TYW1: variants seen among roughly 807,000 people sequenced by gnomAD.
The protein encoded by TYW1 is S-adenosyl-L-methionine-dependent tRNA 4-demethylwyosine synthase TYW1.
Under a neutral mutation model 96.2 loss-of-function variants are expected in TYW1, and 46 were observed. The ratio of observed to expected loss-of-function variants is 0.48; its 90% CI spans 0.38 to 0.61. The LOEUF is 0.61. Ranked by LOEUF, TYW1 falls within the 20% of genes least tolerant of loss-of-function variation. TYW1 has a pLI of 0.00. For synonymous variants in TYW1, 274 were observed against 323.0 expected (o/e 0.85, Z 1.63); for missense variants, 684 against 909.6 (o/e 0.75, Z 3.19).
chr7:67,173,652 A>C (rs993818554), intron 13 of TYW1, among the ~76,000 whole-genome samples: 1 of 146,058 alleles, frequency 6.8e-6, no homozygotes, highest in Non-Finnish European at 1.5e-5. Context: ...AACATTGATT[A>C]GGACTTCCAG....
Position 67,226,122 on chromosome 7 carries a change from G to A in TYW1, c.1978-12186G>A, listed in dbSNP as rs113385514. The stretch of plus-strand genomic sequence containing the variant: ...ACAATGAAAGAGATCTCACCTAACC[G>A]ACTGCATCTTGCTTCTAACCTCCAA... On this transcript the variant is annotated intron_variant, in intron 15 of 15. Coordinates refer to ENST00000359626, the MANE Select transcript of TYW1 (RefSeq NM_018264.4). Among the ~76,000 whole-genome samples, 604 of 152,278 alleles carry A rather than the reference G, an allele frequency of 4.0e-3. 2 individuals are homozygous for A. The highest frequency in any genetic ancestry group is 7.8e-3 in the Admixed American group (119 of 15,300).
chr7:67,021,184 T>C (rs1794251578), intron 6 of TYW1, among the ~76,000 whole-genome samples: 1 of 152,290 alleles, frequency 6.6e-6, no homozygotes, highest in Non-Finnish European at 1.5e-5. Flanking sequence ...TCCCTTAAAT[T>C]ACCTTCTGTC....
At chr7:67,074,561 T>G (rs943260009) in intron 10 of TYW1, among the ~76,000 whole-genome samples, 2 of 152,206 alleles carry the variant, frequency 1.3e-5, no homozygotes, top group Non-Finnish European at 2.9e-5. Context: ...TTACCATGGC[T>G]TCTGGTAAAG....
chr7:67,183,231 G>A lies in TYW1; in HGVS notation c.1804G>A (p.Val602Met). 6.2e-7 allele frequency: 1 copy of A among 1,600,880 alleles called. No homozygotes were observed. Residue 602 changes from valine (V) to methionine (M), a missense_variant, in exon 14 of 16, where the codon GTG becomes ATG. Transcript: ENST00000359626. ...VSLGNPDFIE[V>M]KGVTYCGESS... is the part of the protein sequence containing the mutation. ...CCTGGGGAATCCTGACTTCATCGAA[G>A]TGAAGGTAAGCCCCTGCTGACTCTG... is the stretch of plus-strand genomic sequence containing the variant.
chr7:67,025,608 G>A (rs901946869), intron 7 of TYW1, among the ~76,000 whole-genome samples: 9 of 152,126 alleles, frequency 5.9e-5, no homozygotes, highest in African/African-American at 2.2e-4. Flanking sequence ...AAGGATGGCA[G>A]CCTGGTCTGT....
rs1307999619 is a variant in TYW1, at chr7:67,238,715, C to T, written c.*186C>T. ...ACTCAGAGGGCCTGGGCCACAGCCC[C>T]GATGTTTCTTTTCAGAACTCAGCCC... On this transcript the variant is annotated 3_prime_UTR_variant, in exon 16 of 16. Transcript: ENST00000359626. 2.5e-5 allele frequency: 35 copies of T among 1,417,224 alleles called. No individual in the cohort carries two copies. The highest frequency in any genetic ancestry group is 3.0e-5 in the Non-Finnish European group (32 of 1,083,208). 87.8% of individuals were successfully genotyped at this position (1,417,224 alleles called of 1,614,324 possible). A position where few individuals can be genotyped will look rare whatever the true frequency, so the allele number is the denominator to read the frequency against.
intron 13 of TYW1, among the ~76,000 whole-genome samples, chr7:67,155,063 A>G (rs1007771706): frequency 2.0e-5 from 3 of 151,888 alleles, no homozygotes; most frequent in Non-Finnish European, 4.4e-5. Flanking sequence ...TGTATTGTTG[A>G]TCTGTGTTAT....
At chr7:67,071,006 C>T (rs1796009824) in intron 10 of TYW1, among the ~76,000 whole-genome samples, 1 of 151,944 alleles carries the variant, frequency 6.6e-6, no homozygotes, top group South Asian at 2.1e-4. Flanking sequence ...TGGTGGGCGC[C>T]TGTAGTCCCA....
At chr7:67,061,102 C>T (rs781538224) in intron 9 of TYW1, among the ~76,000 whole-genome samples, 15 of 152,226 alleles carry the variant, frequency 9.9e-5, no homozygotes, top group Non-Finnish European at 2.2e-4. Flanking sequence ...GTGGTGTGTG[C>T]CTGTAGTCTC....
At chr7:67,231,543 C>A (rs1199655792) in intron 15 of TYW1, among the ~76,000 whole-genome samples, 1 of 152,218 alleles carries the variant, frequency 6.6e-6, no homozygotes, top group Non-Finnish European at 1.5e-5. Flanking sequence ...ATTCTCCCTA[C>A]GCATTTGATT....
chr7:67,033,698 C>CT (rs576428706), intron 7 of TYW1, among the ~76,000 whole-genome samples: 17,620 of 141,360 alleles, frequency 0.12, 1,280 homozygotes, highest in Admixed American at 0.16. Context: ...CTGGGGGACC[C>CT]TTTTTTTTTT....
chr7:67,124,151 A>G (rs1389282101), intron 13 of TYW1, among the ~76,000 whole-genome samples: 5 of 152,256 alleles, frequency 3.3e-5, no homozygotes, highest in African/African-American at 1.2e-4. Flanking sequence ...CAGTTACTAT[A>G]CTGCATTACA....
chr7:67,122,202 A>T (rs1797780281), intron 13 of TYW1, among the ~76,000 whole-genome samples: 1 of 152,078 alleles, frequency 6.6e-6, no homozygotes, highest in African/African-American at 2.4e-5. Context: ...TTAAAAAAAG[A>T]AAAATGACCA....
At chr7:67,053,782 G>C (rs1584506034) in intron 8 of TYW1, among the ~76,000 whole-genome samples, 1 of 152,218 alleles carries the variant, frequency 6.6e-6, no homozygotes, top group African/African-American at 2.4e-5. Context: ...CTTGGGTAGT[G>C]TTTCTCTTGT....
At chr7:67,148,640 C>T (rs1260734828) in intron 13 of TYW1, among the ~76,000 whole-genome samples, 2 of 151,948 alleles carry the variant, frequency 1.3e-5, no homozygotes, top group Non-Finnish European at 2.9e-5. Flanking sequence ...ACTGTGTTAG[C>T]CAGGATGGTC....
intron 10 of TYW1, among the ~76,000 whole-genome samples, chr7:67,069,424 GA>G (rs1325132035): frequency 6.6e-6 from 1 of 152,066 alleles, no homozygotes; most frequent in East Asian, 1.9e-4. Context: ...ATCATCAAGA[GA>G]AAAAATAGAG....
intron 13 of TYW1, among the ~76,000 whole-genome samples, chr7:67,145,366 G>A (rs1486187941): frequency 6.6e-6 from 1 of 151,844 alleles, no homozygotes; most frequent in South Asian, 2.1e-4. Flanking sequence ...AGCCAGGATG[G>A]TCTCGATCTC....
chr7:67,219,358 C>T (rs1168092363), intron 15 of TYW1, among the ~76,000 whole-genome samples: 2 of 152,058 alleles, frequency 1.3e-5, no homozygotes, highest in African/African-American at 4.8e-5. Context: ...TCTTCCAGTA[C>T]GATCTTTGTC....
chr7:67,200,869 A>G (rs1409870192), intron 15 of TYW1, among the ~76,000 whole-genome samples: 3 of 152,130 alleles, frequency 2.0e-5, no homozygotes, highest in Non-Finnish European at 4.4e-5. Context: ...GAAACAGTAC[A>G]AGCAGAGGTC....
Sources: allele counts gnomAD v4.1 joint callset (sites outside exome capture counted in the v4.1 genomes callset), GRCh38; gene constraint gnomAD v4.1.1; transcripts MANE v1.5; gene names NCBI Gene and HGNC (gene_info 2026-07-23, HGNC 2026-07-21).